The following SLC25A13 variants were observed in gnomAD, a reference collection of about 807,000 sequenced individuals.
The protein encoded by SLC25A13 is solute carrier family 25 member 13, also known as electrogenic aspartate/glutamate antiporter SLC25A13, mitochondrial.
Under a neutral mutation model 85.5 loss-of-function variants are expected in SLC25A13, and 70 were observed. That is an observed-to-expected ratio of 0.82 (90% CI 0.68 to 1.00). The LOEUF (loss-of-function observed/expected upper bound fraction) is 1.00. Ranked by LOEUF, SLC25A13 falls within the 50% of genes least tolerant of loss-of-function variation. The pLI, the probability that SLC25A13 is intolerant of heterozygous loss-of-function variation, is 0.00. For synonymous variants in SLC25A13, 259 were observed against 288.7 expected (o/e 0.90, Z 1.04); for missense variants, 765 against 819.8 (o/e 0.93, Z 0.82).
intron 13 of SLC25A13, 113 bp downstream of exon 13, chr7:96,169,932 C>T (rs1793930105): frequency 9.1e-7 from 1 of 1,096,970 alleles, no homozygotes; most frequent in African/African-American, 1.5e-5. Flanking sequence ...AGACTCTGCC[C>T]TTGTGCAGGA....
chr7:96,234,768 C>G, intron 4 of SLC25A13, 34 bp downstream of exon 4: 1 of 1,512,996 alleles, frequency 6.6e-7, no homozygotes, highest in Non-Finnish European at 9.2e-7. Context: ...CAAGTCCACA[C>G]TTACACAGAC....
chr7:96,257,365 A>C (rs1313731892), intron 3 of SLC25A13, among the ~76,000 whole-genome samples: 1 of 152,176 alleles, frequency 6.6e-6, no homozygotes, highest in East Asian at 1.9e-4. Flanking sequence ...AGATGCAATA[A>C]AAAATGAAAA....
At chr7:96,122,468 A>G (rs916741911) in intron 15 of SLC25A13, among the ~76,000 whole-genome samples, 2 of 152,044 alleles carry the variant, frequency 1.3e-5, no homozygotes, top group Non-Finnish European at 2.9e-5. Flanking sequence ...GCTTTCTCTC[A>G]CACATTCAAC....
At chr7:96,243,212 C>T (rs1584503427) in intron 3 of SLC25A13, among the ~76,000 whole-genome samples, 3 of 152,298 alleles carry the variant, frequency 2.0e-5, no homozygotes, top group East Asian at 1.9e-4. Context: ...GTGATCCACC[C>T]GCCTCAGCCT....
chr7:96,167,305 A>G (rs1793794322), intron 13 of SLC25A13, among the ~76,000 whole-genome samples: 1 of 152,230 alleles, frequency 6.6e-6, no homozygotes, highest in South Asian at 2.1e-4. Context: ...TTATATCAAA[A>G]ATAATAAATA....
chr7:96,147,131 AGAACG>A (rs1792841559), intron 13 of SLC25A13, among the ~76,000 whole-genome samples: 2 of 145,656 alleles, frequency 1.4e-5, no homozygotes, highest in South Asian at 2.1e-4. Context: ...GACACAGAAC[AGAACG>A]GGGACTAGGA....
chr7:96,158,063 C>T (rs553203926), intron 13 of SLC25A13, among the ~76,000 whole-genome samples: 4 of 152,288 alleles, frequency 2.6e-5, no homozygotes, highest in South Asian at 4.1e-4. Flanking sequence ...AGCCTAAATA[C>T]ATTATCTAAA....
chr7:96,277,457 T>A, intron 2 of SLC25A13, 119 bp from the exon 3 acceptor site: 1 of 934,660 alleles, frequency 1.1e-6, no homozygotes, highest in Non-Finnish European at 1.6e-6. Context: ...GATATGATCA[T>A]GTACGCTTCA....
At chr7:96,204,526 G>A (rs1391793656) in intron 5 of SLC25A13, among the ~76,000 whole-genome samples, 1 of 137,492 alleles carries the variant, frequency 7.3e-6, no homozygotes, top group Non-Finnish European at 1.5e-5. Context: ...GTAACAGAGT[G>A]AGACCCTGTC....
chr7:96,121,396 G>A lies in SLC25A13; in HGVS notation c.1842-19C>T. 1 of 1,613,480 alleles carries A rather than the reference G, an allele frequency of 6.2e-7. No individual in the cohort carries two copies. Reference sequence around the variant, plus strand: ...GGGTTTTCTAAAAGAAGAGAAAACAGAGTAAGAAGCTGTATTTTTTGTTTG... The same window carrying A: ...GGGTTTTCTAAAAGAAGAGAAAACAAAGTAAGAAGCTGTATTTTTTGTTTG... On this transcript the variant is annotated intron_variant, in intron 17 of 17. Coordinates refer to ENST00000265631, the MANE Select transcript of SLC25A13 (RefSeq NM_014251.3).
At chr7:96,190,962 T>G in intron 7 of SLC25A13, 147 bp downstream of exon 7, 1 of 1,052,124 alleles carries the variant, frequency 9.5e-7, no homozygotes, top group South Asian at 1.3e-5. Flanking sequence ...TTTGTTTGTC[T>G]GATCAAAGGA....
intron 15 of SLC25A13, among the ~76,000 whole-genome samples, chr7:96,129,422 T>G (rs113710478): frequency 6.6e-6 from 1 of 152,098 alleles, no homozygotes; most frequent in Non-Finnish European, 1.5e-5. Context: ...AAAACAACCA[T>G]GCTTTTTACC....
intron 2 of SLC25A13, among the ~76,000 whole-genome samples, chr7:96,281,521 G>C (rs963912370): frequency 1.3e-5 from 2 of 151,932 alleles, no homozygotes; most frequent in Non-Finnish European, 2.9e-5. Flanking sequence ...AAATAAACAG[G>C]CAAAACTTAC....
chr7:96,306,501 C>T (rs913454257), intron 1 of SLC25A13, among the ~76,000 whole-genome samples: 4 of 152,226 alleles, frequency 2.6e-5, no homozygotes, highest in Non-Finnish European at 4.4e-5. Flanking sequence ...AGGATGGAGA[C>T]TGCTTGCCTT....
chr7:96,306,764 T>C (rs1413026276), intron 1 of SLC25A13: 1 of 1,195,122 alleles, frequency 8.4e-7, no homozygotes, highest in East Asian at 2.4e-5. Flanking sequence ...ATTTTGTTCT[T>C]TTTGCCCTCT....
intron 3 of SLC25A13, among the ~76,000 whole-genome samples, chr7:96,270,179 T>G (rs1469235960): frequency 6.6e-6 from 1 of 152,240 alleles, no homozygotes; most frequent in African/African-American, 2.4e-5. Flanking sequence ...ATTAGCTTGC[T>G]TTAGCCATTC....
intron 3 of SLC25A13, among the ~76,000 whole-genome samples, chr7:96,253,023 G>A (rs1406749147): frequency 2.0e-5 from 3 of 152,170 alleles, no homozygotes; most frequent in Admixed American, 6.5e-5. Context: ...GAACCCGGGA[G>A]GCGGAGGTTG....
intron 1 of SLC25A13, among the ~76,000 whole-genome samples, chr7:96,320,209 G>A (rs984117934): frequency 5.3e-5 from 8 of 152,066 alleles, no homozygotes; most frequent in Non-Finnish European, 4.4e-5. Flanking sequence ...GTTTTGCCAC[G>A]TTGGCCAGGC....
intron 9 of SLC25A13, among the ~76,000 whole-genome samples, chr7:96,185,816 C>T (rs1252548550): frequency 3.3e-5 from 5 of 151,844 alleles, no homozygotes; most frequent in African/African-American, 9.7e-5. Context: ...AGGAGAATGG[C>T]GTGAACCCGT....
Sources: allele counts gnomAD v4.1 joint callset (sites outside exome capture counted in the v4.1 genomes callset), GRCh38; gene constraint gnomAD v4.1.1; transcripts MANE v1.5; gene names NCBI Gene and HGNC (gene_info 2026-07-23, HGNC 2026-07-21).